The following HECW1 variants were observed in gnomAD, a reference collection of about 807,000 sequenced individuals.
HECW1 encodes the protein HECT, C2 and WW domain containing E3 ubiquitin protein ligase 1, also known as E3 ubiquitin-protein ligase HECW1.
Under a neutral mutation model 182.3 loss-of-function variants are expected in HECW1, and 61 were observed. The observed-to-expected ratio is 0.33, with a 90% CI of 0.27 to 0.41. HECW1 has a LOEUF of 0.41. Ranked by LOEUF, HECW1 falls within the 10% of genes least tolerant of loss-of-function variation. The pLI is 1.00. For synonymous variants in HECW1, 859 were observed against 832.6 expected, an observed-to-expected ratio of 1.03 and a Z score of -0.55; for missense variants, 1,739 against 2,108.9, an observed-to-expected ratio of 0.82 and a Z score of 3.44.
intron 19 of HECW1, among the ~76,000 whole-genome samples, chr7:43,495,737 G>A (rs2152921245): frequency 6.6e-6 from 1 of 152,306 alleles, no homozygotes; most frequent in Middle Eastern, 3.4e-3. Flanking sequence ...GCTGCAGAAG[G>A]CAGAGTCATA....
At chr7:43,140,376 G>A (rs906822192) in intron 2 of HECW1, among the ~76,000 whole-genome samples, 12 of 152,138 alleles carry the variant, frequency 7.9e-5, no homozygotes, top group African/African-American at 2.9e-4. Context: ...GTGCCCCCTC[G>A]TAAGTCTCCT....
At chr7:43,124,865 C>T (rs192257552) in intron 2 of HECW1, among the ~76,000 whole-genome samples, 37 of 152,040 alleles carry the variant, frequency 2.4e-4, no homozygotes, top group Non-Finnish European at 4.4e-5. Context: ...TTTTACAATA[C>T]TCAGTGGGCC....
At chr7:43,502,142 C>A (rs2079389042) in intron 21 of HECW1, among the ~76,000 whole-genome samples, 1 of 152,222 alleles carries the variant, frequency 6.6e-6, no homozygotes, top group Non-Finnish European at 1.5e-5. Flanking sequence ...CTGAAACATT[C>A]TGCCTTGTGA....
At chr7:43,478,506 G>A (rs1198559211) in intron 16 of HECW1, among the ~76,000 whole-genome samples, 2 of 152,130 alleles carry the variant, frequency 1.3e-5, no homozygotes, top group Non-Finnish European at 2.9e-5. Flanking sequence ...AAAATTAATT[G>A]TTATACTTCC....
chr7:43,277,854 C>T (rs1004260328), intron 3 of HECW1, among the ~76,000 whole-genome samples: 20 of 152,184 alleles, frequency 1.3e-4, no homozygotes, highest in African/African-American at 3.6e-4. Context: ...GTGCTGGACA[C>T]GGTTGACTGT....
At chr7:43,548,547 G>A (rs1585265891) in intron 26 of HECW1, among the ~76,000 whole-genome samples, 1 of 152,216 alleles carries the variant, frequency 6.6e-6, no homozygotes, top group East Asian at 1.9e-4. Context: ...GAGGGATGCA[G>A]GTGAAAGACA....
At chr7:43,215,914 CCA>C (rs1226730735) in intron 2 of HECW1, among the ~76,000 whole-genome samples, 1 of 152,112 alleles carries the variant, frequency 6.6e-6, no homozygotes, top group Non-Finnish European at 1.5e-5. Flanking sequence ...ACGTATAGGG[CCA>C]GTGTTCAGAG....
At chr7:43,488,432 AAG>A (rs761726817) in intron 17 of HECW1, among the ~76,000 whole-genome samples, 625 of 40,886 alleles carry the variant, frequency 0.015, 20 homozygotes, top group African/African-American at 0.017. Flanking sequence ...GAAAGAAAGA[AAG>A]AGAAAGAAAG....
intron 9 of HECW1, chr7:43,438,779 A>G (rs1247640354): frequency 6.6e-6 from 1 of 152,254 alleles, no homozygotes; most frequent in Non-Finnish European, 1.5e-5. Context: ...CCCTATGTAT[A>G]ATATGTATTT....
intron 28 of HECW1, among the ~76,000 whole-genome samples, chr7:43,553,982 C>T (rs190041764): frequency 9.8e-5 from 15 of 152,294 alleles, no homozygotes; most frequent in Admixed American, 2.6e-4. Flanking sequence ...AATGGCAAAT[C>T]GTTTAATTGA....
At chr7:43,126,091 G>A (rs932372615) in intron 2 of HECW1, among the ~76,000 whole-genome samples, 1 of 68,670 alleles carries the variant, frequency 1.5e-5, no homozygotes, top group Admixed American at 1.7e-4. Flanking sequence ...TTTTTTTTTG[G>A]TTTTTACTCA....
Position 43,508,074 on chromosome 7 carries a change from A to G in HECW1, c.3809A>G (p.Tyr1270Cys). Residue 1270 changes from tyrosine to cysteine, a missense_variant, in exon 23 of 30, where the codon TAT becomes TGT. By Grantham distance (194) the Tyr-to-Cys change is radical (BLOSUM62 -2). This residue lies in a region of HECW1 where 420 missense variants were observed against 595.7 expected (regional missense o/e 0.71). Coordinates refer to ENST00000395891, the MANE Select transcript of HECW1 (RefSeq NM_015052.5). ...LEGTFNQVMAYSRKELQRNKL... is the reference protein window; with the variant it reads ...LEGTFNQVMACSRKELQRNKL... ...GGAACCTTCAATCAGGTGATGGCCT[A>G]TTCGCGGAAAGAGCTCCAGCGAAAC... The G allele has an allele frequency of 6.2e-7, 1 of 1,614,102 alleles. No individual in the cohort carries two copies. The highest frequency in any genetic ancestry group is 1.1e-5 in the South Asian group (1 of 91,082).
chr7:43,505,357 G>A (rs1293315506), intron 21 of HECW1, among the ~76,000 whole-genome samples: 2 of 152,072 alleles, frequency 1.3e-5, no homozygotes, highest in Non-Finnish European at 2.9e-5. Flanking sequence ...CTCCACTGAC[G>A]CCAGCCTAGT....
In HECW1 at chr7:43,393,677, CT is replaced by C. The variant is rs199626474; in HGVS notation, c.556-3125del. ...GGAAAACATACTCTTTTTTCTTCTT[CT>C]TTTTTTTTTTTCATCTACAGACCTG... On this transcript the variant is annotated intron_variant, in intron 6 of 29. Transcript: ENST00000395891. Among the ~76,000 whole-genome samples the C allele has an allele frequency of 8.3e-4, 116 of 139,072 alleles. 1 individual carries two copies. Among genetic ancestry groups the C allele is most frequent in the Middle Eastern group, 3.6e-3 (1 of 280 alleles). 91.2% of individuals were successfully genotyped at this position (139,072 alleles called of 152,430 possible).
intron 21 of HECW1, among the ~76,000 whole-genome samples, chr7:43,504,917 G>A (rs560574181): frequency 3.9e-5 from 6 of 152,248 alleles, no homozygotes; most frequent in East Asian, 1.9e-4. Context: ...CACTAAGGTC[G>A]CCATGAACTC....
intron 3 of HECW1, among the ~76,000 whole-genome samples, chr7:43,276,818 G>C (rs1316417621): frequency 6.6e-6 from 1 of 152,156 alleles, no homozygotes; most frequent in Non-Finnish European, 1.5e-5. Flanking sequence ...CAGCTTCTCT[G>C]TTTTCTTAGT....
chr7:43,324,464 A>C (rs1346596344), intron 5 of HECW1, among the ~76,000 whole-genome samples: 1 of 152,228 alleles, frequency 6.6e-6, no homozygotes, highest in Non-Finnish European at 1.5e-5. Context: ...TCAAAAATGT[A>C]TGATTGAGAG....
intron 21 of HECW1, 143 bp downstream of exon 21, chr7:43,501,465 T>C (rs1470835527): frequency 1.9e-6 from 1 of 531,342 alleles, no homozygotes; most frequent in African/African-American, 2.0e-5. Flanking sequence ...CTATCAGGTT[T>C]TGACAAATGG....
At chr7:43,540,813 C>T (rs927465783) in intron 24 of HECW1, among the ~76,000 whole-genome samples, 1 of 152,176 alleles carries the variant, frequency 6.6e-6, no homozygotes, top group African/African-American at 2.4e-5. Context: ...GATCTGGGTC[C>T]TCTTCCAGTT....
Sources: allele counts gnomAD v4.1 joint callset (sites outside exome capture counted in the v4.1 genomes callset), GRCh38; gene constraint gnomAD v4.1.1; regional missense constraint gnomAD v4.1.1; transcripts MANE v1.5; gene names NCBI Gene and HGNC (gene_info 2026-07-23, HGNC 2026-07-21).